SYN3: variants seen among roughly 807,000 people sequenced by gnomAD.
SYN3 encodes the protein synapsin-3.
A neutral mutation model predicts 65.8 loss-of-function variants in SYN3; 35 were observed. That is an observed-to-expected ratio of 0.53 (90% CI 0.41 to 0.70). The LOEUF is 0.70. Among genes scored for constraint, SYN3 ranks in the 30% least tolerant of loss-of-function variants. The pLI is 0.00. For synonymous variants in SYN3, 270 were observed against 292.9 expected (o/e 0.92, Z 0.80); for missense variants, 680 against 749.0 (o/e 0.91, Z 1.08).
intron 6 of SYN3, among the ~76,000 whole-genome samples, chr22:32,610,963 G>T (rs1055348978): frequency 6.6e-6 from 1 of 152,188 alleles, no homozygotes; most frequent in African/African-American, 2.4e-5. Context: ...TCTGTTGTAT[G>T]GATGGTGTCT....
intron 6 of SYN3, among the ~76,000 whole-genome samples, chr22:32,853,174 C>A (rs1271186317): frequency 6.6e-6 from 1 of 152,206 alleles, no homozygotes; most frequent in Admixed American, 6.5e-5. Flanking sequence ...CCACAGGGAA[C>A]CATTCTTCTT....
At chr22:32,618,999 G>A (rs1161499894) in intron 6 of SYN3, among the ~76,000 whole-genome samples, 1 of 152,210 alleles carries the variant, frequency 6.6e-6, no homozygotes, top group Admixed American at 6.5e-5. Context: ...GACTCTAAAT[G>A]CAGGTGTTTC....
chr22:32,859,059 G>T, intron 6 of SYN3: 1 of 869,446 alleles, frequency 1.2e-6, no homozygotes. Flanking sequence ...TGATCACTGA[G>T]GGACTGATGT....
At chr22:32,665,978 A>C (rs1360344784) in intron 6 of SYN3, among the ~76,000 whole-genome samples, 1 of 152,016 alleles carries the variant, frequency 6.6e-6, no homozygotes, top group Non-Finnish European at 1.5e-5. Flanking sequence ...GAGCCCTTGA[A>C]TCTCTCCCCC....
intron 6 of SYN3, among the ~76,000 whole-genome samples, chr22:32,636,084 G>T (rs1199402739): frequency 6.6e-6 from 1 of 152,196 alleles, no homozygotes; most frequent in East Asian, 1.9e-4. Context: ...AGCCTGCTAA[G>T]AACCCTGACA....
intron 6 of SYN3, among the ~76,000 whole-genome samples, chr22:32,669,921 A>G (rs1256251302): frequency 6.6e-6 from 1 of 152,178 alleles, no homozygotes; most frequent in African/African-American, 2.4e-5. Context: ...CAGGTATAGC[A>G]ATACCTGTAC....
At chr22:32,793,147 T>G (rs2046358199) in intron 6 of SYN3, among the ~76,000 whole-genome samples, 1 of 152,236 alleles carries the variant, frequency 6.6e-6, no homozygotes, top group Non-Finnish European at 1.5e-5. Flanking sequence ...ATTTTTCAGC[T>G]TATCATTCCA....
chr22:32,882,773 G>A (rs921900729), intron 4 of SYN3, among the ~76,000 whole-genome samples: 1 of 151,684 alleles, frequency 6.6e-6, no homozygotes, highest in African/African-American at 2.4e-5. Context: ...ATTTGTCAAA[G>A]TAGTGTGTTC....
intron 7 of SYN3, among the ~76,000 whole-genome samples, chr22:32,556,938 T>C (rs890428467): frequency 6.7e-6 from 1 of 150,284 alleles, no homozygotes; most frequent in Non-Finnish European, 1.5e-5. Flanking sequence ...GGATTACAGG[T>C]GTGAGTCACT....
intron 6 of SYN3, among the ~76,000 whole-genome samples, chr22:32,737,342 T>A (rs1291849618): frequency 2.6e-5 from 4 of 152,120 alleles, no homozygotes; most frequent in Non-Finnish European, 5.9e-5. Flanking sequence ...ATACTTTAAG[T>A]TTTAGGGTAC....
At chr22:33,044,453 T>G (rs1250488005) in intron 1 of SYN3, among the ~76,000 whole-genome samples, 1 of 152,122 alleles carries the variant, frequency 6.6e-6, no homozygotes, top group East Asian at 1.9e-4. Flanking sequence ...ACTCACAGAC[T>G]CATTGAGCAC....
chr22:32,849,701 A>T (rs531443268), intron 6 of SYN3, among the ~76,000 whole-genome samples: 1 of 152,114 alleles, frequency 6.6e-6, no homozygotes, highest in African/African-American at 2.4e-5. Context: ...GCATAAAGGG[A>T]TGGGTAGGGA....
intron 6 of SYN3, among the ~76,000 whole-genome samples, chr22:32,792,429 G>GA (rs2046343738): frequency 6.6e-6 from 1 of 152,176 alleles, no homozygotes; most frequent in Admixed American, 6.5e-5. Flanking sequence ...GTAGGACTAG[G>GA]ATAATAACCT....
intron 6 of SYN3, among the ~76,000 whole-genome samples, chr22:32,812,930 C>T (rs1043239013): frequency 3.5e-4 from 54 of 152,164 alleles, no homozygotes; most frequent in Admixed American, 2.0e-4. Flanking sequence ...TCTCAGAATC[C>T]AGGTTGGTCT....
chr22:32,589,667 TA>T lies in SYN3; in HGVS notation c.774+7006del, dbSNP rs2059101249. ...AAAGTTGCTCTTTCCACAGGACTGA[TA>T]ACACTGATTGGGTCCCAACTATGCC... On this transcript the variant is annotated intron_variant, in intron 7 of 13. Coordinates refer to ENST00000358763, the MANE Select transcript of SYN3 (RefSeq NM_003490.4). 2.6e-5 allele frequency among the ~76,000 whole-genome samples: 4 copies of T among 152,196 alleles called. No individual in the cohort carries two copies. The South Asian group carries it at 8.3e-4, about 32-fold the overall frequency.
At chr22:33,024,996 GGTAA>G in intron 1 of SYN3, among the ~76,000 whole-genome samples, 1 of 152,186 alleles carries the variant, frequency 6.6e-6, no homozygotes, top group East Asian at 1.9e-4. Flanking sequence ...ATCTCAGACA[GGTAA>G]GTATGAGTCT....
chr22:32,621,952 G>T (rs2146754018), intron 6 of SYN3, among the ~76,000 whole-genome samples: 1 of 152,032 alleles, frequency 6.6e-6, no homozygotes, highest in East Asian at 2.0e-4. Context: ...TGGGGCTGAG[G>T]ATGGTGACAG....
At position 32,541,666 on chromosome 22, in the gene SYN3, G is replaced by T. The variant is rs1401730230; in HGVS notation, c.822C>A (p.Val274=). 1 of 1,614,062 alleles carries T rather than the reference G, an allele frequency of 6.2e-7. No individual in the cohort carries two copies. The highest frequency in any genetic ancestry group is 8.5e-7 in the Non-Finnish European group (1 of 1,180,016). The part of the protein sequence containing the change: ...QLDFQDITSV[V]AMAKTYATTE... ...TGGTGGCGTAGGTTTTGGCCATGGC[G>T]ACCACGCTGGTGATGTCCTGGAAGT... Residue 274 remains valine, a synonymous_variant, in exon 8 of 14, where the codon GTC becomes GTA. Coordinates refer to ENST00000358763, the MANE Select transcript of SYN3 (RefSeq NM_003490.4).
intron 6 of SYN3, among the ~76,000 whole-genome samples, chr22:32,681,415 T>C (rs1300973373): frequency 1.3e-5 from 2 of 152,164 alleles, no homozygotes; most frequent in African/African-American, 4.8e-5. Flanking sequence ...GTCTGGATAT[T>C]TACCTTGTGC....
Sources: allele counts gnomAD v4.1 joint callset (sites outside exome capture counted in the v4.1 genomes callset), GRCh38; gene constraint gnomAD v4.1.1; transcripts MANE v1.5; gene names NCBI Gene and HGNC (gene_info 2026-07-23, HGNC 2026-07-21).